ZBBX: variants seen among roughly 807,000 people sequenced by gnomAD.
The protein encoded by ZBBX is zinc finger B-box domain containing.
In ZBBX, 101 loss-of-function variants were observed where a neutral mutation model predicts 108.5. That is an observed-to-expected ratio of 0.93 (90% confidence interval 0.79 to 1.10). The LOEUF is 1.10. ZBBX is among the 50% of genes least tolerant of loss of function. ZBBX has a pLI of 0.00. For synonymous variants in ZBBX, 356 were observed against 323.4 expected, an observed-to-expected ratio of 1.10 and a Z score of -1.08; for missense variants, 1,009 against 941.4, an observed-to-expected ratio of 1.07 and a Z score of -0.94.
At chr3:167,222,386 T>A in the ZBBX span, among the ~76,000 whole-genome samples, 1 of 150,926 alleles carries the variant, frequency 6.6e-6, no homozygotes, top group African/African-American at 2.4e-5. Context: ...AGATAGAGAG[T>A]AGAACAATGA....
upstream of ZBBX, among the ~76,000 whole-genome samples, chr3:167,382,351 A>G (rs1747782304): frequency 6.6e-6 from 1 of 152,146 alleles, no homozygotes; most frequent in Non-Finnish European, 1.5e-5. Flanking sequence ...AGCTCTAGAG[A>G]GATGATATTC....
At chr3:167,384,346 T>A (rs1036132125), upstream of ZBBX, among the ~76,000 whole-genome samples, 2 of 152,072 alleles carry the variant, frequency 1.3e-5, no homozygotes, top group African/African-American at 4.8e-5. Context: ...TACAGATACA[T>A]GGTTAGCTAG....
the ZBBX span, among the ~76,000 whole-genome samples, chr3:167,191,934 T>TAGAGAGAGAG: frequency 2.6e-4 from 34 of 130,220 alleles, no homozygotes; most frequent in African/African-American, 1.0e-3. Flanking sequence ...TATATATATA[T>TAGAGAGAGAG]AGAGCAAGTT....
intron 20 of ZBBX, among the ~76,000 whole-genome samples, chr3:167,281,812 T>A (rs541775294): frequency 6.6e-6 from 1 of 152,334 alleles, no homozygotes; most frequent in East Asian, 1.9e-4. Context: ...CAAGATCCCC[T>A]GAATGATCTG....
At chr3:167,287,063 G>C (rs1729836256) in intron 19 of ZBBX, among the ~76,000 whole-genome samples, 1 of 150,128 alleles carries the variant, frequency 6.7e-6, no homozygotes, top group African/African-American at 2.5e-5. Flanking sequence ...CTAATATCTT[G>C]CCAATCTACA....
intron 8 of ZBBX, among the ~76,000 whole-genome samples, chr3:167,354,767 T>A (rs985057172): frequency 6.6e-6 from 1 of 151,954 alleles, no homozygotes; most frequent in Non-Finnish European, 1.5e-5. Flanking sequence ...TTTTACACTA[T>A]AATGCAGAAA....
chr3:167,207,522 C>T, the ZBBX span, among the ~76,000 whole-genome samples: 1 of 152,106 alleles, frequency 6.6e-6, no homozygotes, highest in Non-Finnish European at 1.5e-5. Context: ...TAAAATATCA[C>T]ACTTTTTTAA....
chr3:167,331,145 G>A (rs1017337743), intron 10 of ZBBX, among the ~76,000 whole-genome samples: 17 of 150,220 alleles, frequency 1.1e-4, no homozygotes, highest in African/African-American at 3.9e-4. Context: ...TGTTTAAACC[G>A]CTCAGTTGGA....
At chr3:167,238,115 A>G (rs1720303804), downstream of ZBBX, among the ~76,000 whole-genome samples, 1 of 152,000 alleles carries the variant, frequency 6.6e-6, no homozygotes, top group African/African-American at 2.4e-5. Context: ...ACCTGAGCAG[A>G]TATGCTAAAA....
chr3:167,364,052 T>C (rs1744945944), intron 6 of ZBBX, among the ~76,000 whole-genome samples: 1 of 152,016 alleles, frequency 6.6e-6, no homozygotes, highest in Non-Finnish European at 1.5e-5. Flanking sequence ...TTAATCTATA[T>C]AATCTAATAC....
At chr3:167,348,753 T>TAC (rs1224832472) in intron 9 of ZBBX, among the ~76,000 whole-genome samples, 1 of 152,052 alleles carries the variant, frequency 6.6e-6, no homozygotes, top group African/African-American at 2.4e-5. Context: ...ACTATATATA[T>TAC]ATGAAGTGTA....
intron 19 of ZBBX, among the ~76,000 whole-genome samples, chr3:167,288,380 T>C (rs1195801700): frequency 1.3e-5 from 2 of 152,172 alleles, no homozygotes; most frequent in African/African-American, 4.8e-5. Context: ...GAAATGAAGA[T>C]TCCAGGGTCA....
At chr3:167,274,744 T>G (rs1222383571) in intron 20 of ZBBX, among the ~76,000 whole-genome samples, 1 of 152,182 alleles carries the variant, frequency 6.6e-6, no homozygotes, top group Non-Finnish European at 1.5e-5. Context: ...CCACTGTACC[T>G]CACGTCCCCC....
intron 18 of ZBBX, among the ~76,000 whole-genome samples, chr3:167,294,973 A>G (rs1731363840): frequency 2.0e-5 from 3 of 152,236 alleles, no homozygotes. Flanking sequence ...AGAGAAATGC[A>G]TATCAAAACC....
At chr3:167,393,723 G>A (rs932453803) in intron 1 of ZBBX, among the ~76,000 whole-genome samples, 1 of 151,882 alleles carries the variant, frequency 6.6e-6, no homozygotes, top group Non-Finnish European at 1.5e-5. Flanking sequence ...AGCAAACCAA[G>A]TTAATGGAAA....
chr3:167,235,978 A>G (rs564104687), downstream of ZBBX, among the ~76,000 whole-genome samples: 50 of 151,872 alleles, frequency 3.3e-4, 1 homozygote, highest in African/African-American at 1.2e-3. Flanking sequence ...CTAGTAATAA[A>G]TAACCGGGGG....
intron 18 of ZBBX, among the ~76,000 whole-genome samples, chr3:167,295,754 TATATAA>T (rs1349893323): frequency 0.07 from 1,025 of 14,562 alleles, 153 homozygotes; most frequent in Non-Finnish European, 0.082. Context: ...TATATATATA[TATATAA>T]AAAAAACTAG....
At chr3:167,356,911 C>T (rs1042378785) in intron 8 of ZBBX, among the ~76,000 whole-genome samples, 1 of 152,084 alleles carries the variant, frequency 6.6e-6, no homozygotes, top group African/African-American at 2.4e-5. Context: ...ATGTAAGTAA[C>T]ATTTGAGTTG....
chr3:167,291,269 G>A (rs1730646374), intron 18 of ZBBX, among the ~76,000 whole-genome samples: 1 of 151,984 alleles, frequency 6.6e-6, no homozygotes, highest in Non-Finnish European at 1.5e-5. Flanking sequence ...ATTCACCAAG[G>A]TTTAAATGAA....
Sources: gnomAD v4.1 joint callset for allele counts (sites outside exome capture counted in the v4.1 genomes callset) on GRCh38, gnomAD v4.1.1 for gene constraint, MANE v1.5 for transcripts, NCBI Gene and HGNC (gene_info 2026-07-23, HGNC 2026-07-21) for gene names.